Variants in TSC1 observed in about 807,000 individuals in gnomAD.
TSC1 encodes the protein TSC complex subunit 1, also known as hamartin.
TSC1 carries 20 observed loss-of-function variants against 124.3 expected under a neutral mutation model. The ratio of observed to expected loss-of-function variants is 0.16; its 90% CI spans 0.11 to 0.23. The LOEUF (loss-of-function observed/expected upper bound fraction) is 0.23. Among genes scored for constraint, TSC1 ranks in the 10% least tolerant of loss-of-function variants. The probability of loss-of-function intolerance (pLI) is 1.00; values close to 1 mark genes in which losing one functional copy is unlikely to be tolerated. For synonymous variants in TSC1, 493 were observed against 539.1 expected, an observed-to-expected ratio of 0.91 and a Z score of 1.19; for missense variants, 1,124 against 1,448.5, an observed-to-expected ratio of 0.78 and a Z score of 3.64.
At chr9:132,928,244 T>A (rs147735127) in intron 3 of TSC1, among the ~76,000 whole-genome samples, 54 of 152,322 alleles carry the variant, frequency 3.5e-4, no homozygotes, top group African/African-American at 1.2e-3. Flanking sequence ...AAAGCTGTAA[T>A]AAGATACAGA....
chr9:132,944,768 C>CT, upstream of TSC1: 2 of 396,884 alleles, frequency 5.0e-6, no homozygotes, highest in Non-Finnish European at 8.9e-6. Flanking sequence ...CCACTCATAA[C>CT]TGACGATGTG....
intron 4 of TSC1, chr9:132,926,938 A>G: frequency 4.7e-6 from 2 of 428,480 alleles, no homozygotes; most frequent in Non-Finnish European, 8.7e-6. Flanking sequence ...CGGCCTCCTA[A>G]GGGGATTACA....
At position 132,927,521 on chromosome 9, in the gene TSC1, C is replaced by CTTTTTTT. The variant is rs57259325; in HGVS notation, c.107-224_107-218dup. Among the ~76,000 whole-genome samples the CTTTTTTT allele has an allele frequency of 1.2e-4, 12 of 103,928 alleles. 2 individuals carry two copies. Among genetic ancestry groups the CTTTTTTT allele is most frequent in the Non-Finnish European group, 1.3e-4 (7 of 54,464 alleles). The allele number at this position is 103,928 out of a possible 152,430, so 68.2% of individuals were successfully genotyped here. A position where few individuals can be genotyped will look rare whatever the true frequency, so the allele number is the denominator to read the frequency against. On this transcript the variant is annotated intron_variant, in intron 3 of 22. Transcript: ENST00000298552. ...AAACATATGAAGTCATTTTTATTGC[C>CTTTTTTT]TTTTTTTTTTTTTTTTTTTTGAGAT...
intron 20 of TSC1, 113 bp from the exon 21 acceptor site, chr9:132,897,723 A>G (rs1394202753): frequency 1.5e-6 from 2 of 1,378,576 alleles, no homozygotes; most frequent in East Asian, 4.7e-5. Context: ...TAGTATACTG[A>G]TAACAGAAAT....
rs1415842027 is a variant in TSC1, at chr9:132,895,407, C to T, written c.*828G>A. On this transcript the variant is annotated 3_prime_UTR_variant, in exon 23 of 23. Coordinates refer to ENST00000298552, the MANE Select transcript of TSC1 (RefSeq NM_000368.5). Reference sequence around the variant, plus strand: ...CAAGTGCTTCTCGGGTAACCTCTCCCAGTGACTGCTCCTTCCCTCCTATGG... The same window carrying T: ...CAAGTGCTTCTCGGGTAACCTCTCCTAGTGACTGCTCCTTCCCTCCTATGG... 1 of 233,496 alleles carries T rather than the reference C, an allele frequency of 4.3e-6. No homozygotes were observed. Among genetic ancestry groups the T allele is most frequent in the Non-Finnish European group, 8.5e-6 (1 of 118,084 alleles). 14.5% of individuals were successfully genotyped at this position (233,496 alleles called of 1,614,324 possible).
At chr9:132,914,870 AAG>A (rs1273243361) in intron 8 of TSC1, among the ~76,000 whole-genome samples, 1 of 149,664 alleles carries the variant, frequency 6.7e-6, no homozygotes, top group African/African-American at 2.5e-5. Flanking sequence ...CTCTGAAAAA[AAG>A]AGAAAAGAAA....
At chr9:132,919,600 A>G (rs1588342301) in intron 8 of TSC1, among the ~76,000 whole-genome samples, 1 of 152,276 alleles carries the variant, frequency 6.6e-6, no homozygotes, top group East Asian at 1.9e-4. Context: ...CAGCCAAAAC[A>G]CTGCATCCTT....
Position 132,910,643 on chromosome 9 carries a change from T to C in TSC1, c.1191A>G (p.Pro397=), listed in dbSNP as rs370281825. 1.2e-6 allele frequency: 2 copies of C among 1,614,004 alleles called. No homozygotes were observed. The highest frequency in any genetic ancestry group is 1.3e-5 in the African/African-American group (1 of 74,916). Residue 397 remains proline, a synonymous_variant, in exon 12 of 23, where the codon CCA becomes CCG. Transcript: ENST00000298552. The stretch of plus-strand genomic sequence containing the variant: ...AGTCATCCGAATGACAGAGTGGGGC[T>C]GGAGGAGGAGAGGTTGCTGGGGTTC... ...PLGTPATSPP[P]APLCHSDDYV...
At chr9:132,912,811 G>A (rs968043116) in intron 8 of TSC1, 14 of 294,200 alleles carry the variant, frequency 4.8e-5, no homozygotes, top group African/African-American at 2.0e-4. Context: ...AAAATAGGGA[G>A]ACCTGGAGAC....
intron 1 of TSC1, among the ~76,000 whole-genome samples, chr9:132,936,240 G>C (rs945157794): frequency 6.6e-6 from 1 of 151,880 alleles, no homozygotes; most frequent in South Asian, 2.1e-4. Flanking sequence ...TCAGCCTCCC[G>C]AGTAGCTAGG....
rs1312195233 is a variant in TSC1, at chr9:132,902,437, A to G, written c.2391+168T>C. Among the ~76,000 whole-genome samples, 2 of 152,210 alleles carry G rather than the reference A, an allele frequency of 1.3e-5. No homozygotes were observed. On this transcript the variant is annotated intron_variant, in intron 18 of 22. Transcript: ENST00000298552. This position sits in a 1 kb window ranked among gnomAD's most constrained non-coding sequence, Gnocchi z 5.2. ...AACAAAGTTGGGGAACCTCTGTCCT[A>G]AGTAAGATTCACCTGCCATGAAGAA...
rs11349075 is a variant in TSC1, at chr9:132,906,548, CAAAA to C, written c.1438+179_1438+182del. ...AGGGTGACAGAGCAAGACCCTGTCT[CAAAA>C]AAAAAAAAAAAAAAAGTGGCATCAC... On this transcript the variant is annotated intron_variant, in intron 14 of 22. Coordinates refer to ENST00000298552, the MANE Select transcript of TSC1 (RefSeq NM_000368.5). This position sits in a 1 kb window ranked among gnomAD's most constrained non-coding sequence, Gnocchi z 4.1. 3.0e-3 allele frequency: 1,213 copies of C among 410,430 alleles called. No homozygotes were observed. Among genetic ancestry groups the C allele is most frequent in the Non-Finnish European group, 3.4e-3 (809 of 236,256 alleles). The allele number at this position is 410,430 out of a possible 1,614,324, so 25.4% of individuals were successfully genotyped here.
At position 132,915,176 on chromosome 9, in the gene TSC1, C is replaced by G. The variant is rs183454561; in HGVS notation, c.738-2719G>C. On this transcript the variant is annotated intron_variant, in intron 8 of 22. Coordinates refer to ENST00000298552, the MANE Select transcript of TSC1 (RefSeq NM_000368.5). ...CTCCAGCCTGGGCAACAGAGCAAGA[C>G]CCTGTCTCAGGAAGAAAAAAAAAAA... Among the ~76,000 whole-genome samples, 36 of 151,970 alleles carry G rather than the reference C, an allele frequency of 2.4e-4. No individual in the cohort carries two copies. The East Asian group carries it at 6.8e-3, about 29-fold the overall frequency.
intron 9 of TSC1, 152 bp downstream of exon 9, chr9:132,912,130 G>A (rs2131991375): frequency 1.1e-6 from 1 of 880,610 alleles, no homozygotes; most frequent in South Asian, 1.7e-5. Context: ...TTAATTAGAA[G>A]AAAATGGAGG....
chr9:132,930,708 T>C (rs1209791706), intron 2 of TSC1, among the ~76,000 whole-genome samples: 2 of 152,134 alleles, frequency 1.3e-5, no homozygotes, highest in African/African-American at 4.8e-5. Flanking sequence ...TATATTCTTA[T>C]TTAATTACAA....
intron 1 of TSC1, among the ~76,000 whole-genome samples, chr9:132,938,041 C>T (rs1847553891): frequency 6.6e-6 from 1 of 152,144 alleles, no homozygotes; most frequent in Admixed American, 6.5e-5. Flanking sequence ...GTCCAATGCT[C>T]AATGTTAAGA....
Position 132,902,809 on chromosome 9 carries a change from A to G in TSC1, c.2209-22T>C, listed in dbSNP as rs751640897. ...CTTTCTAGCAGAGACCAGAAATGTC[A>G]TCATTTTAGCTGTCTTCCAACACAG... On this transcript the variant is annotated intron_variant, in intron 17 of 22. Transcript: ENST00000298552. This position sits in a 1 kb window ranked among gnomAD's most constrained non-coding sequence, Gnocchi z 5.2. 14 of 1,612,518 alleles carry G rather than the reference A, an allele frequency of 8.7e-6. No individual in the cohort carries two copies. Among genetic ancestry groups the G allele is most frequent in the Non-Finnish European group, 1.2e-5 (14 of 1,179,962 alleles).
chr9:132,910,256 G>A lies in TSC1; in HGVS notation c.1263+315C>T, dbSNP rs142311240. 6.1e-3 allele frequency: 3,533 copies of A among 577,250 alleles called. 101 individuals are homozygous for A. The highest frequency in any genetic ancestry group is 0.06 in the African/African-American group (3,130 of 52,074). The allele number at this position is 577,250 out of a possible 1,614,324, so 35.8% of individuals were successfully genotyped here. A position where few individuals can be genotyped will look rare whatever the true frequency, so the allele number is the denominator to read the frequency against. ...GTCAAGGCTGCAGTGAGCCATGATC[G>A]TGCCACTGCACTCCACCCTGGGCGA... On this transcript the variant is annotated intron_variant, in intron 12 of 22. Coordinates refer to ENST00000298552, the MANE Select transcript of TSC1 (RefSeq NM_000368.5).
At position 132,906,822 on chromosome 9, in the gene TSC1, G is replaced by T. The variant is rs1588312954; in HGVS notation, c.1347C>A (p.Gly449=). 1 of 1,614,010 alleles carries T rather than the reference G, an allele frequency of 6.2e-7. No homozygotes were observed. The highest frequency in any genetic ancestry group is 8.5e-7 in the Non-Finnish European group (1 of 1,179,974). Residue 449 remains glycine, a synonymous_variant, in exon 14 of 23, where the codon GGC becomes GGA. Coordinates refer to ENST00000298552, the MANE Select transcript of TSC1 (RefSeq NM_000368.5). The surrounding 1 kb of genome is among the most constrained non-coding windows in gnomAD (Gnocchi z 4.1). The part of the protein sequence containing the change: ...LNDRGSEEPP[G]SKGSVTLSDL... Reference sequence around the variant, plus strand: ...CACTTAGAGTGACAGAACCTTTGCTGCCAGGTGGCTCTTCTGAAGAGAAAC... The same window carrying T: ...CACTTAGAGTGACAGAACCTTTGCTTCCAGGTGGCTCTTCTGAAGAGAAAC...
Sources: allele counts gnomAD v4.1 joint callset (sites outside exome capture counted in the v4.1 genomes callset), GRCh38; gene constraint gnomAD v4.1.1; non-coding constraint Gnocchi (gnomAD v3.1); transcripts MANE v1.5; gene names NCBI Gene and HGNC (gene_info 2026-07-23, HGNC 2026-07-21).